GULP1: variants seen among roughly 807,000 people sequenced by gnomAD.
The protein encoded by GULP1 is PTB domain-containing engulfment adapter protein 1.
A neutral mutation model predicts 40.9 loss-of-function variants in GULP1; 19 were observed. The observed-to-expected ratio is 0.46, with a 90% CI of 0.32 to 0.68. GULP1 has a LOEUF of 0.68. GULP1 is among the 30% of genes least tolerant of loss of function. The pLI, the probability that GULP1 is intolerant of heterozygous loss-of-function variation, is 0.03. For missense variants in GULP1, 312 were observed against 362.2 expected, an observed-to-expected ratio of 0.86 and a Z score of 1.12; for synonymous variants, 119 against 117.6, an observed-to-expected ratio of 1.01 and a Z score of -0.08.
chr2:188,310,128 G>A (rs1239021777), intron 1 of GULP1, among the ~76,000 whole-genome samples: 1 of 152,124 alleles, frequency 6.6e-6, no homozygotes, highest in Non-Finnish European at 1.5e-5. Context: ...TTTCCTAAGT[G>A]TTTATGTGCC....
At chr2:188,403,808 G>A (rs2052657594) in intron 2 of GULP1, among the ~76,000 whole-genome samples, 1 of 152,150 alleles carries the variant, frequency 6.6e-6, no homozygotes, top group South Asian at 2.1e-4. Context: ...GCTAAGTTGG[G>A]ACACAGCAGA....
chr2:188,315,137 G>T (rs1372849753), intron 1 of GULP1, among the ~76,000 whole-genome samples: 2 of 152,056 alleles, frequency 1.3e-5, no homozygotes, highest in Non-Finnish European at 2.9e-5. Context: ...GAGATCCATG[G>T]TGAAAACTAA....
intron 2 of GULP1, among the ~76,000 whole-genome samples, chr2:188,424,103 A>G (rs1288362628): frequency 6.6e-6 from 1 of 151,904 alleles, no homozygotes; most frequent in East Asian, 1.9e-4. Flanking sequence ...ATTCAGTGAA[A>G]TTAGAATGTC....
intron 1 of GULP1, among the ~76,000 whole-genome samples, chr2:188,348,252 T>C (rs1194629790): frequency 1.3e-5 from 2 of 152,252 alleles, no homozygotes; most frequent in African/African-American, 4.8e-5. Flanking sequence ...TCTAAACACA[T>C]TGTTGAATAA....
Position 188,465,173 on chromosome 2 carries a change from C to A in GULP1, c.-44-12486C>A, listed in dbSNP as rs13395191. 6.9e-3 allele frequency among the ~76,000 whole-genome samples: 1,048 copies of A among 152,106 alleles called. 8 individuals are homozygous for A. The highest frequency in any genetic ancestry group is 0.024 in the African/African-American group (987 of 41,482). ...TCACTCAATGTTCTTAATGTAGTAC[C>A]TGGGTATTGCTTCTGGTTATTATTC... On this transcript the variant is annotated intron_variant, in intron 2 of 11. Coordinates refer to ENST00000409830, the MANE Select transcript of GULP1 (RefSeq NM_016315.4).
intron 1 of GULP1, among the ~76,000 whole-genome samples, chr2:188,376,907 C>T (rs2048358294): frequency 6.6e-6 from 1 of 152,188 alleles, no homozygotes; most frequent in Non-Finnish European, 1.5e-5. Flanking sequence ...GGCGCAGTGG[C>T]TCATGCCTGT....
intron 2 of GULP1, among the ~76,000 whole-genome samples, chr2:188,434,794 A>C (rs2057248638): frequency 6.6e-6 from 1 of 151,532 alleles, no homozygotes; most frequent in Non-Finnish European, 1.5e-5. Flanking sequence ...AATTGCTTTT[A>C]GCTCATTTTG....
intron 1 of GULP1, among the ~76,000 whole-genome samples, chr2:188,333,101 G>A (rs1039015170): frequency 2.6e-5 from 4 of 151,820 alleles, no homozygotes; most frequent in African/African-American, 9.7e-5. Context: ...AAACATTAGC[G>A]GGGCATGGTG....
At chr2:188,390,374 G>A (rs1003541240) in intron 2 of GULP1, among the ~76,000 whole-genome samples, 1 of 152,066 alleles carries the variant, frequency 6.6e-6, no homozygotes, top group African/African-American at 2.4e-5. Flanking sequence ...GTGATGTTGA[G>A]CATTTTTTCA....
At chr2:188,581,485 CT>C (rs1485556042) in intron 9 of GULP1, among the ~76,000 whole-genome samples, 1 of 152,138 alleles carries the variant, frequency 6.6e-6, no homozygotes, top group Non-Finnish European at 1.5e-5. Flanking sequence ...TCCATTTTGG[CT>C]GCTGTTTAAT....
intron 2 of GULP1, among the ~76,000 whole-genome samples, chr2:188,429,374 C>T (rs1355977095): frequency 1.3e-5 from 2 of 152,050 alleles, no homozygotes; most frequent in African/African-American, 2.4e-5. Flanking sequence ...GTGGTGCATG[C>T]CTGTAGTCCC....
At chr2:188,504,032 CT>C (rs2063684907) in intron 4 of GULP1, among the ~76,000 whole-genome samples, 1 of 151,636 alleles carries the variant, frequency 6.6e-6, no homozygotes, top group Non-Finnish European at 1.5e-5. Context: ...CTTTTTTTCC[CT>C]GATAATTACC....
chr2:188,515,644 T>A (rs2065091219), intron 4 of GULP1, among the ~76,000 whole-genome samples: 1 of 151,928 alleles, frequency 6.6e-6, no homozygotes, highest in Non-Finnish European at 1.5e-5. Context: ...CAAAATATAA[T>A]ATGTGTGTCT....
At chr2:188,366,997 A>G (rs574251156) in intron 1 of GULP1, among the ~76,000 whole-genome samples, 3 of 152,274 alleles carry the variant, frequency 2.0e-5, no homozygotes, top group East Asian at 1.9e-4. Context: ...ATATTAGACA[A>G]TAGATAGAAG....
chr2:188,334,932 G>T (rs1448686561), intron 1 of GULP1, among the ~76,000 whole-genome samples: 1 of 152,194 alleles, frequency 6.6e-6, no homozygotes, highest in Non-Finnish European at 1.5e-5. Context: ...AGGAGGAAAT[G>T]AAAAACGCTG....
chr2:188,529,317 C>T (rs1179369172), intron 6 of GULP1, 122 bp downstream of exon 6: 6 of 505,402 alleles, frequency 1.2e-5, no homozygotes, highest in African/African-American at 4.1e-5. Context: ...AATGACAGTT[C>T]GAAACTCTAG....
At chr2:188,464,110 T>G (rs2059928122) in intron 2 of GULP1, among the ~76,000 whole-genome samples, 1 of 152,160 alleles carries the variant, frequency 6.6e-6, no homozygotes, top group African/African-American at 2.4e-5. Flanking sequence ...AGTTAGGTAT[T>G]TATTGTAGTC....
At chr2:188,420,087 G>C (rs2055175640) in intron 2 of GULP1, among the ~76,000 whole-genome samples, 1 of 152,034 alleles carries the variant, frequency 6.6e-6, no homozygotes, top group Non-Finnish European at 1.5e-5. Flanking sequence ...TACTGTTTTG[G>C]TGTTTTGTAA....
chr2:188,476,031 G>A (rs2060984025), intron 2 of GULP1, among the ~76,000 whole-genome samples: 1 of 152,152 alleles, frequency 6.6e-6, no homozygotes, highest in Admixed American at 6.6e-5. Context: ...AAGAGCGGCA[G>A]AGTGGATAAA....
Sources: gnomAD v4.1 joint callset for allele counts (sites outside exome capture counted in the v4.1 genomes callset) on GRCh38, gnomAD v4.1.1 for gene constraint, MANE v1.5 for transcripts, NCBI Gene and HGNC (gene_info 2026-07-23, HGNC 2026-07-21) for gene names.